C9orf85: variants seen among roughly 807,000 people sequenced by gnomAD.
C9orf85 encodes uncharacterized protein C9orf85.
Under a neutral mutation model 14.9 loss-of-function variants are expected in C9orf85, and 16 were observed. The observed-to-expected ratio is 1.08, with a 90% CI of 0.73 to 1.63. C9orf85 has a LOEUF of 1.63. Ranked by LOEUF, C9orf85 falls within the 40% of genes most tolerant of loss-of-function variation. The pLI is 0.00. For synonymous variants in C9orf85, 45 were observed against 56.8 expected (o/e 0.79, Z 0.93); for missense variants, 172 against 186.1 (o/e 0.92, Z 0.44).
At chr9:71,979,501 A>G (rs1823058942) in intron 3 of C9orf85, among the ~76,000 whole-genome samples, 1 of 152,194 alleles carries the variant, frequency 6.6e-6, no homozygotes, top group Non-Finnish European at 1.5e-5. Flanking sequence ...GGTAAAAGAA[A>G]GAAACCTGGA....
chr9:71,932,033 T>A (rs996901233), intron 1 of C9orf85, among the ~76,000 whole-genome samples: 7 of 152,144 alleles, frequency 4.6e-5, no homozygotes, highest in African/African-American at 1.7e-4. Context: ...TATCTTAGGG[T>A]TGAGTCCAGG....
chr9:71,970,356 G>C (rs1822826204), intron 2 of C9orf85, among the ~76,000 whole-genome samples: 1 of 152,158 alleles, frequency 6.6e-6, no homozygotes, highest in Admixed American at 6.5e-5. Context: ...CTCTTGTATA[G>C]AGTGTTCTAA....
At chr9:71,951,544 C>T (rs1418886771) in intron 2 of C9orf85, among the ~76,000 whole-genome samples, 1 of 152,188 alleles carries the variant, frequency 6.6e-6, no homozygotes, top group Non-Finnish European at 1.5e-5. Flanking sequence ...ACCTACTACT[C>T]CCTGCGGGAG....
At position 71,971,605 on chromosome 9, in the gene C9orf85, G is replaced by C; in HGVS notation, c.310G>C (p.Asp104His). ...TTGCGCAAAATGTGGAAAGAAAGAAGACATTGTTATTCCGTGAGTGTTTCC... is the reference window on the plus strand; with the variant it reads ...TTGCGCAAAATGTGGAAAGAAAGAACACATTGTTATTCCGTGAGTGTTTCC... The part of the protein sequence containing the change: ...EVCAKCGKKE[D>H]IVIPLNKETE... Residue 104 changes from aspartate to histidine, a missense_variant, in exon 3 of 4, where the codon GAC becomes CAC. Coordinates refer to ENST00000334731, the MANE Select transcript of C9orf85 (RefSeq NM_182505.5). 1 of 1,604,292 alleles carries C rather than the reference G, an allele frequency of 6.2e-7. No homozygotes were observed. Among genetic ancestry groups the C allele is most frequent in the Non-Finnish European group, 8.5e-7 (1 of 1,171,700 alleles).
intron 1 of C9orf85, 138 bp downstream of exon 1, chr9:71,911,974 T>C: frequency 1.3e-6 from 1 of 761,894 alleles, no homozygotes; most frequent in Non-Finnish European, 2.3e-6. Context: ...AGTGCAACTC[T>C]TTCTAAAATG....
chr9:71,921,528 A>G (rs577848106), intron 1 of C9orf85, among the ~76,000 whole-genome samples: 21 of 152,176 alleles, frequency 1.4e-4, no homozygotes, highest in Admixed American at 5.9e-4. Flanking sequence ...AGGCTAAACC[A>G]ATGTGTACCT....
At chr9:71,948,499 C>G (rs1822158114) in intron 2 of C9orf85, among the ~76,000 whole-genome samples, 1 of 151,812 alleles carries the variant, frequency 6.6e-6, no homozygotes, top group Non-Finnish European at 1.5e-5. Context: ...GTTGACCCCC[C>G]TTTTGTTTTA....
At chr9:71,937,123 A>G (rs1455121547) in intron 1 of C9orf85, among the ~76,000 whole-genome samples, 1 of 152,188 alleles carries the variant, frequency 6.6e-6, no homozygotes, top group African/African-American at 2.4e-5. Flanking sequence ...CTTCGCAAAT[A>G]TTTATTTGTT....
chr9:71,955,260 G>A (rs1822356246), intron 2 of C9orf85, among the ~76,000 whole-genome samples: 1 of 152,090 alleles, frequency 6.6e-6, no homozygotes, highest in Admixed American at 6.6e-5. Flanking sequence ...GGAAACCAGA[G>A]TCTCCTTAAA....
chr9:71,942,056 G>A (rs993950802), intron 1 of C9orf85: 5 of 152,196 alleles, frequency 3.3e-5, no homozygotes, highest in South Asian at 2.1e-4. Flanking sequence ...TTAGAGCTAA[G>A]TTGAGAGAAA....
In C9orf85 at chr9:71,972,842, A is replaced by G. The variant is rs776834464; in HGVS notation, c.474A>G (p.Ter158=). 2 of 1,603,402 alleles carry G rather than the reference A, an allele frequency of 1.2e-6. No individual in the cohort carries two copies. The highest frequency in any genetic ancestry group is 1.7e-6 in the Non-Finnish European group (2 of 1,175,334). Reference sequence around the variant, plus strand: ...CAGGAGGAGACCATCAAATGAATTAATATCACTGTATTAAAAGTCTGCCGG... The same window carrying G: ...CAGGAGGAGACCATCAAATGAATTAGTATCACTGTATTAAAAGTCTGCCGG... ...EDTGGDHQMN[*] Residue 158 remains the stop codon, a stop_retained_variant, in exon 4 of 4, where the codon TAA becomes TAG. Transcript: ENST00000334731.
At chr9:71,943,832 C>T (rs1220260669) in intron 1 of C9orf85, among the ~76,000 whole-genome samples, 1 of 151,330 alleles carries the variant, frequency 6.6e-6, no homozygotes, top group Non-Finnish European at 1.5e-5. Context: ...TGAGCCACCG[C>T]ACCCGGCCCT....
chr9:71,955,871 A>G (rs959598303), intron 2 of C9orf85, among the ~76,000 whole-genome samples: 2 of 152,208 alleles, frequency 1.3e-5, no homozygotes, highest in African/African-American at 2.4e-5. Flanking sequence ...CTTGATCTCC[A>G]TGCAATCTGA....
intron 1 of C9orf85, among the ~76,000 whole-genome samples, chr9:71,933,485 C>T (rs1828117340): frequency 6.6e-6 from 1 of 152,176 alleles, no homozygotes; most frequent in Admixed American, 6.5e-5. Flanking sequence ...TTAGCAATCT[C>T]AATGCACAAT....
In C9orf85 at chr9:71,936,710, G is replaced by A. The variant is rs145622121; in HGVS notation, c.103-10296G>A. Among the ~76,000 whole-genome samples, 301 of 150,856 alleles carry A rather than the reference G, an allele frequency of 2.0e-3. 1 individual carries two copies. Among genetic ancestry groups the A allele is most frequent in the African/African-American group, 7.1e-3 (291 of 41,068 alleles). The stretch of plus-strand genomic sequence containing the variant: ...AAATATTTTCTAATGTTCATAACAC[G>A]CCTTGCTGAATTGGAATGGAGAAAA... On this transcript the variant is annotated intron_variant, in intron 1 of 3. Coordinates refer to ENST00000334731, the MANE Select transcript of C9orf85 (RefSeq NM_182505.5).
Position 71,911,674 on chromosome 9 carries a change from TG to T in C9orf85, c.-59del. The stretch of plus-strand genomic sequence containing the variant: ...GCGTCAATTCCTGGGAGTAGTTCGT[TG>T]GTTTTCTTTCCCCTCATCCTTTTGC... On this transcript the variant is annotated 5_prime_UTR_variant, in exon 1 of 4. Transcript: ENST00000334731. 1 of 1,397,630 alleles carries T rather than the reference TG, an allele frequency of 7.2e-7. No homozygotes were observed. Among genetic ancestry groups the T allele is most frequent in the Non-Finnish European group, 1.0e-6 (1 of 983,058 alleles). The allele number at this position is 1,397,630 out of a possible 1,614,324, so 86.6% of individuals were successfully genotyped here. A position where few individuals can be genotyped will look rare whatever the true frequency, so the allele number is the denominator to read the frequency against.
At chr9:71,936,255 A>C (rs1203912370) in intron 1 of C9orf85, among the ~76,000 whole-genome samples, 1 of 152,052 alleles carries the variant, frequency 6.6e-6, no homozygotes, top group Non-Finnish European at 1.5e-5. Flanking sequence ...AGCACTAGGG[A>C]CATAGTTTTG....
intron 2 of C9orf85, among the ~76,000 whole-genome samples, chr9:71,968,087 CAT>C (rs764580008): frequency 3.4e-4 from 49 of 142,354 alleles, no homozygotes; most frequent in African/African-American, 1.1e-3. Flanking sequence ...TCCATTGCTG[CAT>C]ATATATATAT....
chr9:71,977,429 T>C (rs1432214709), downstream of C9orf85, among the ~76,000 whole-genome samples: 1 of 152,234 alleles, frequency 6.6e-6, no homozygotes, highest in Non-Finnish European at 1.5e-5. Context: ...CTTATCAATT[T>C]GGTTGTTTGA....
Sources: allele counts gnomAD v4.1 joint callset (sites outside exome capture counted in the v4.1 genomes callset), GRCh38; gene constraint gnomAD v4.1.1; transcripts MANE v1.5; gene names NCBI Gene and HGNC (gene_info 2026-07-23, HGNC 2026-07-21).